The following FAM186B variants were observed in gnomAD, a reference collection of about 807,000 sequenced individuals.
The protein encoded by FAM186B is family with sequence similarity 186 member B, also known as protein FAM186B.
In FAM186B, 68 loss-of-function variants were observed where a neutral mutation model predicts 83.4. The ratio of observed to expected loss-of-function variants is 0.81; its 90% CI spans 0.67 to 1.00. The LOEUF (loss-of-function observed/expected upper bound fraction) is 1.00, where lower values mean the gene tolerates loss of function less well. Ranked by LOEUF, FAM186B falls within the 50% of genes least tolerant of loss-of-function variation. FAM186B has a pLI of 0.00. For synonymous variants in FAM186B, 389 were observed against 422.0 expected (o/e 0.92, Z 0.96); for missense variants, 983 against 1,099.2 (o/e 0.89, Z 1.49).
At chr12:49,594,237 AT>A (rs1197280256) in intron 5 of FAM186B, 1 of 253,510 alleles carries the variant, frequency 3.9e-6, no homozygotes, top group Non-Finnish European at 8.6e-6. Flanking sequence ...GGACTGAAAG[AT>A]TGGTGGGTTT....
the FAM186B span, among the ~76,000 whole-genome samples, chr12:49,611,755 A>T: frequency 7.1e-6 from 1 of 140,544 alleles, no homozygotes; most frequent in African/African-American, 2.7e-5. Flanking sequence ...GCTACTTGGG[A>T]GGCTGAGGCA....
upstream of FAM186B, among the ~76,000 whole-genome samples, chr12:49,607,437 C>A (rs1336533942): frequency 6.6e-6 from 1 of 151,580 alleles, no homozygotes; most frequent in Non-Finnish European, 1.5e-5. Context: ...ATGAAATGGG[C>A]AAATTCTTTA....
chr12:49,594,329 T>C (rs888595177), intron 5 of FAM186B: 3 of 172,894 alleles, frequency 1.7e-5, no homozygotes, highest in Non-Finnish European at 3.9e-5. Flanking sequence ...CTCATTGTTG[T>C]ATAGCTTTCG....
rs755208567 is a variant in FAM186B at position 49,599,624 on chromosome 12, G to C, written c.2016C>G (p.Asn672Lys). ...YHMDMEAQRKNLQLLSEESEL... is the reference protein window; with the variant it reads ...YHMDMEAQRKKLQLLSEESEL... ...CAGACTCCTCACTCAGGAGCTGCAG[G>C]TTCTTCCTCTGGGCCTCCATGTCCA... The change falls in exon 4 of 7, where the codon AAC becomes AAG. Residue 672 changes from asparagine (N) to lysine (K), a missense_variant. Physicochemically the swap from Asn to Lys is moderately conservative, Grantham distance 94. Transcript: ENST00000257894. 1 of 1,610,100 alleles carries C rather than the reference G, an allele frequency of 6.2e-7. No individual in the cohort carries two copies. The highest frequency in any genetic ancestry group is 1.1e-5 in the South Asian group (1 of 90,520).
Position 49,600,947 on chromosome 12 carries a change from C to T in FAM186B, c.693G>A (p.Arg231=), listed in dbSNP as rs1444895193. The change falls in exon 4 of 7, where the codon AGG becomes AGA. Residue 231 remains arginine, a synonymous_variant. Coordinates refer to ENST00000257894, the MANE Select transcript of FAM186B (RefSeq NM_032130.3). The surrounding 1 kb of genome is among the most constrained non-coding windows in gnomAD (Gnocchi z 4.3). ...CCACAGTGGCCATGTACCTGATGGC[C>T]CTGACCTCCCCCTTGCTGAACATGG... is the stretch of plus-strand genomic sequence containing the variant. The part of the protein sequence containing the change: ...DSTMFSKGEV[R]AIRYMATVVE... 6.2e-7 allele frequency: 1 copy of T among 1,614,052 alleles called. No individual in the cohort carries two copies.
chr12:49,589,874 G>A (rs1200607393), intron 5 of FAM186B, among the ~76,000 whole-genome samples: 5 of 151,090 alleles, frequency 3.3e-5, no homozygotes, highest in Non-Finnish European at 7.4e-5. Context: ...CCAGCTACTC[G>A]GAAGGCTGAG....
rs145528972 is a variant in FAM186B, at chr12:49,599,863, G to A, written c.1777C>T (p.His593Tyr). 7.5e-4 allele frequency: 1,211 copies of A among 1,608,504 alleles called. 1 individual carries two copies. Among genetic ancestry groups the A allele is most frequent in the Non-Finnish European group, 9.6e-4 (1,134 of 1,176,838 alleles). ...TQSAHQSRRP[H>Y]LPMSPSTQQP... The stretch of plus-strand genomic sequence containing the variant: ...TGGGTACTAGGAGACATGGGCAAGT[G>A]TGGCCTCCTGCTTTGGTGAGCAGAT... The change falls in exon 4 of 7, where the codon CAC becomes TAC. Residue 593 changes from histidine to tyrosine, a missense_variant. Coordinates refer to ENST00000257894, the MANE Select transcript of FAM186B (RefSeq NM_032130.3).
chr12:49,591,653 T>G (rs1227416839), intron 5 of FAM186B, among the ~76,000 whole-genome samples: 1 of 152,160 alleles, frequency 6.6e-6, no homozygotes. Context: ...GTAAATAGAT[T>G]ATTCTTTTCC....
chr12:49,601,240 T>G (rs1939887823), intron 3 of FAM186B, 106 bp from the exon 4 acceptor site: 1 of 1,430,824 alleles, frequency 7.0e-7, no homozygotes, highest in Non-Finnish European at 9.2e-7. Flanking sequence ...CTTAGGGATT[T>G]GGCGAGAGTA....
At position 49,603,256 on chromosome 12, in the gene FAM186B, G is replaced by A. The variant is rs1217877125; in HGVS notation, c.434C>T (p.Thr145Ile). Residue 145 changes from threonine (T) to isoleucine (I), a missense_variant, in exon 3 of 7, where the codon ACC becomes ATC. By Grantham distance (89) the Thr-to-Ile change is moderately conservative. Transcript: ENST00000257894. ...EKVLPLSLIA[T>I]KRGIESLTAL... ...AGTGAGTGACTCGATGCCTCTTTTG[G>A]TGGCAATGAGGGACAGCGGTAACAC... 1 of 1,614,156 alleles carries A rather than the reference G, an allele frequency of 6.2e-7. No homozygotes were observed. Among genetic ancestry groups the A allele is most frequent in the Non-Finnish European group, 8.5e-7 (1 of 1,180,036 alleles).
chr12:49,600,340 C>A lies in FAM186B; in HGVS notation c.1300G>T (p.Ala434Ser). 6.2e-7 allele frequency: 1 copy of A among 1,614,186 alleles called. No individual in the cohort carries two copies. Among genetic ancestry groups the A allele is most frequent in the Non-Finnish European group, 8.5e-7 (1 of 1,180,046 alleles). Residue 434 changes from alanine to serine, a missense_variant, in exon 4 of 7, where the codon GCA (alanine) becomes TCA (serine). By Grantham distance (99) the Ala-to-Ser change is moderately conservative (BLOSUM62 1). Transcript: ENST00000257894. The surrounding 1 kb of genome is among the most constrained non-coding windows in gnomAD (Gnocchi z 4.3). Reference sequence around the variant, plus strand: ...TTGTCTTTGTGGCCTAAGCTTTCTGCCACCGGTCTTTCCCATTTCTTAGGA... The same window carrying A: ...TTGTCTTTGTGGCCTAAGCTTTCTGACACCGGTCTTTCCCATTTCTTAGGA... ...RFPKKWERPV[A>S]ESLGHKDKDQ...
upstream of FAM186B, among the ~76,000 whole-genome samples, chr12:49,608,460 C>T (rs1672646685): frequency 6.8e-6 from 1 of 147,076 alleles, no homozygotes; most frequent in Admixed American, 6.8e-5. Flanking sequence ...CACTGTACTC[C>T]AGCCTGAGTG....
At chr12:49,616,143 C>T in the FAM186B span, among the ~76,000 whole-genome samples, 2 of 151,988 alleles carry the variant, frequency 1.3e-5, no homozygotes, top group African/African-American at 4.8e-5. Context: ...GATTCTCCTG[C>T]CTCAGCCTCC....
chr12:49,612,643 C>T, the FAM186B span, among the ~76,000 whole-genome samples: 1 of 151,756 alleles, frequency 6.6e-6, no homozygotes, highest in East Asian at 1.9e-4. Flanking sequence ...GATTGGATAT[C>T]CCTCTCAGAT....
intron 5 of FAM186B, among the ~76,000 whole-genome samples, chr12:49,596,693 A>G (rs1939735061): frequency 6.6e-6 from 1 of 152,226 alleles, no homozygotes; most frequent in Admixed American, 6.5e-5. Flanking sequence ...AAGGTAGATT[A>G]GTACAGCCAT....
rs375984052 is a variant in FAM186B, at chr12:49,604,270, C to T, written c.322+43G>A. On this transcript the variant is annotated intron_variant, in intron 2 of 6. Coordinates refer to ENST00000257894, the MANE Select transcript of FAM186B (RefSeq NM_032130.3). Reference sequence around the variant, plus strand: ...GCTGTCCCTGTGCTCGCCACCCACACTCCCCTCCCAGAGGAGGCACGGTGC... The same window carrying T: ...GCTGTCCCTGTGCTCGCCACCCACATTCCCCTCCCAGAGGAGGCACGGTGC... 8 of 1,531,750 alleles carry T rather than the reference C, an allele frequency of 5.2e-6. No individual in the cohort carries two copies. The African/African-American group carries it at 8.2e-5, about 16-fold the overall frequency. 94.9% of individuals were successfully genotyped at this position (1,531,750 alleles called of 1,614,324 possible).
the FAM186B span, among the ~76,000 whole-genome samples, chr12:49,610,709 G>C: frequency 6.6e-6 from 1 of 150,596 alleles, no homozygotes; most frequent in Non-Finnish European, 1.5e-5. Context: ...AGAGTGGCGT[G>C]AACGCGGGAG....
At chr12:49,605,983 C>T (rs1212583543), upstream of FAM186B, among the ~76,000 whole-genome samples, 2 of 151,636 alleles carry the variant, frequency 1.3e-5, no homozygotes, top group Middle Eastern at 3.2e-3. Flanking sequence ...AGGATGGTCT[C>T]GATCTCCTGA....
At chr12:49,604,679 C>T in intron 1 of FAM186B, 141 bp from the exon 2 acceptor site, 2 of 636,016 alleles carry the variant, frequency 3.1e-6, no homozygotes, top group South Asian at 2.0e-5. Flanking sequence ...CATTATAGTA[C>T]CTATGTCACA....
Sources: allele counts gnomAD v4.1 joint callset (sites outside exome capture counted in the v4.1 genomes callset), GRCh38; gene constraint gnomAD v4.1.1; non-coding constraint Gnocchi (gnomAD v3.1); transcripts MANE v1.5; gene names NCBI Gene and HGNC (gene_info 2026-07-23, HGNC 2026-07-21).